Variants in RHOH observed in about 807,000 individuals in gnomAD.
RHOH encodes rho-related GTP-binding protein RhoH.
Under a neutral mutation model 13.8 loss-of-function variants are expected in RHOH, and 6 were observed. The observed-to-expected ratio is 0.44, with a 90% CI of 0.24 to 0.86. RHOH has a LOEUF of 0.86. Among genes scored for constraint, RHOH ranks in the 40% least tolerant of loss-of-function variants. The pLI, the probability that RHOH is intolerant of heterozygous loss-of-function variation, is 0.24. For synonymous variants in RHOH, 117 were observed against 103.0 expected (o/e 1.14, Z -0.82); for missense variants, 147 against 244.5 (o/e 0.60, Z 2.66).
At chr4:40,231,624 C>A (rs867960031) in intron 1 of RHOH, among the ~76,000 whole-genome samples, 12 of 152,208 alleles carry the variant, frequency 7.9e-5, no homozygotes, top group Admixed American at 3.3e-4. Flanking sequence ...AGGCCTACAG[C>A]CTCAGAATCA....
intron 1 of RHOH, among the ~76,000 whole-genome samples, chr4:40,221,415 A>G (rs751250732): frequency 6.6e-6 from 1 of 152,178 alleles, no homozygotes; most frequent in Non-Finnish European, 1.5e-5. Context: ...GAGCGAGTCT[A>G]TCGGCACCAT....
chr4:40,215,322 A>G (rs1725743772), intron 1 of RHOH, among the ~76,000 whole-genome samples: 1 of 152,200 alleles, frequency 6.6e-6, no homozygotes. Context: ...TTAAGATAAT[A>G]AAAGGTCTGT....
At chr4:40,210,276 G>T (rs573128606) in intron 1 of RHOH, among the ~76,000 whole-genome samples, 10 of 152,318 alleles carry the variant, frequency 6.6e-5, no homozygotes, top group East Asian at 1.9e-4. Flanking sequence ...GGGACTTAAA[G>T]CAACCAGGAT....
chr4:40,241,444 T>G (rs1046442635), intron 1 of RHOH, among the ~76,000 whole-genome samples: 1 of 152,216 alleles, frequency 6.6e-6, no homozygotes, highest in African/African-American at 2.4e-5. Flanking sequence ...AAACCAAGGT[T>G]CAGAGAGGTT....
intron 1 of RHOH, among the ~76,000 whole-genome samples, chr4:40,235,800 C>G (rs552457484): frequency 2.8e-4 from 42 of 151,538 alleles, no homozygotes; most frequent in African/African-American, 1.0e-3. Flanking sequence ...ATAGTGAGAC[C>G]TTTGTTTATA....
chr4:40,206,964 T>C (rs1724715786), intron 1 of RHOH, among the ~76,000 whole-genome samples: 1 of 152,116 alleles, frequency 6.6e-6, no homozygotes, highest in African/African-American at 2.4e-5. Flanking sequence ...ATCCCAGCAC[T>C]TTGGGAGGCT....
intron 1 of RHOH, among the ~76,000 whole-genome samples, chr4:40,221,119 T>C (rs1336237829): frequency 6.6e-6 from 1 of 152,218 alleles, no homozygotes; most frequent in Non-Finnish European, 1.5e-5. Flanking sequence ...CAATTTATTC[T>C]ATAGAGGGAC....
chr4:40,229,090 C>G (rs982536933), intron 1 of RHOH, among the ~76,000 whole-genome samples: 14 of 152,082 alleles, frequency 9.2e-5, no homozygotes, highest in African/African-American at 3.1e-4. Context: ...TACTGAGTTG[C>G]AGGTAGAGTC....
chr4:40,198,600 C>T (rs1358183612), intron 1 of RHOH, among the ~76,000 whole-genome samples: 5 of 152,190 alleles, frequency 3.3e-5, no homozygotes, highest in African/African-American at 1.2e-4. Flanking sequence ...TGGCTGTGGG[C>T]CTCCATTTGC....
intron 1 of RHOH, among the ~76,000 whole-genome samples, chr4:40,232,153 C>T (rs1016089217): frequency 6.6e-6 from 1 of 152,200 alleles, no homozygotes; most frequent in Non-Finnish European, 1.5e-5. Flanking sequence ...TTTAACTTGG[C>T]TTCAATGCCT....
chr4:40,244,222 A>C lies in RHOH; in HGVS notation c.*260A>C. ...ATTCCATCTTTGATTAAAAAAGTGA[A>C]ATAGTCTCCATAATTTTGGACGATG... On this transcript the variant is annotated 3_prime_UTR_variant, in exon 3 of 3. Transcript: ENST00000381799. 1 of 370,194 alleles carries C rather than the reference A, an allele frequency of 2.7e-6. No homozygotes were observed. The highest frequency in any genetic ancestry group is 5.0e-6 in the Non-Finnish European group (1 of 198,324). The allele number at this position is 370,194 out of a possible 1,614,324, so 22.9% of individuals were successfully genotyped here. A position where few individuals can be genotyped will look rare whatever the true frequency, so the allele number is the denominator to read the frequency against.
intron 1 of RHOH, among the ~76,000 whole-genome samples, chr4:40,237,269 A>G (rs1176742527): frequency 1.3e-5 from 2 of 152,186 alleles, no homozygotes; most frequent in Non-Finnish European, 2.9e-5. Flanking sequence ...CCTGGCCAAC[A>G]TGGCAAAACC....
At chr4:40,205,060 C>T (rs888637214) in intron 1 of RHOH, among the ~76,000 whole-genome samples, 2 of 152,056 alleles carry the variant, frequency 1.3e-5, no homozygotes, top group Non-Finnish European at 1.5e-5. Context: ...GTCAGGAGTT[C>T]GAAATCAGCC....
chr4:40,210,089 C>CGTGTGTGTGTGTGTGTGTGT (rs5857717), intron 1 of RHOH, among the ~76,000 whole-genome samples: 1 of 145,458 alleles, frequency 6.9e-6, no homozygotes, highest in Non-Finnish European at 1.5e-5. Flanking sequence ...ACATTGTGTG[C>CGTGTGTGTGTGTGTGTGTGT]GTGTGTGTGT....
rs560057953 is a variant in RHOH at position 40,246,494 on chromosome 4, T to G, written c.*2532T>G. The G allele has an allele frequency of 6.6e-6, 1 of 152,358 alleles. No homozygotes were observed. Among genetic ancestry groups the G allele is most frequent in the African/African-American group, 2.4e-5 (1 of 41,586 alleles). 9.4% of individuals were successfully genotyped at this position (152,358 alleles called of 1,614,324 possible). The stretch of plus-strand genomic sequence containing the variant: ...AGCTCCGTCTGGGAACTCTCATACC[T>G]GAGACCAGGAATCTATGTGTAAACC... On this transcript the variant is annotated 3_prime_UTR_variant, in exon 3 of 3. Transcript: ENST00000381799.
chr4:40,241,772 C>G (rs1012227008), intron 1 of RHOH, among the ~76,000 whole-genome samples: 1 of 152,108 alleles, frequency 6.6e-6, no homozygotes, highest in Non-Finnish European at 1.5e-5. Context: ...CACATGTAGT[C>G]CCAGCTACTC....
intron 1 of RHOH, among the ~76,000 whole-genome samples, chr4:40,238,354 A>T (rs1728838522): frequency 6.6e-6 from 1 of 152,186 alleles, no homozygotes; most frequent in African/African-American, 2.4e-5. Flanking sequence ...CGTCAGGTGG[A>T]GAATTGGTGT....
chr4:40,228,766 G>C (rs569699361), intron 1 of RHOH, among the ~76,000 whole-genome samples: 2 of 152,282 alleles, frequency 1.3e-5, no homozygotes, highest in East Asian at 3.9e-4. Context: ...CACCTTTTCA[G>C]ACAACAAGAA....
chr4:40,237,784 T>G (rs10033592), intron 1 of RHOH, among the ~76,000 whole-genome samples: 74,849 of 151,632 alleles, frequency 0.49, 21,196 homozygotes, highest in Non-Finnish European at 0.64. Flanking sequence ...GGCGATGGAC[T>G]CATATTTTTA....
Sources: allele counts gnomAD v4.1 joint callset (sites outside exome capture counted in the v4.1 genomes callset), GRCh38; gene constraint gnomAD v4.1.1; transcripts MANE v1.5; gene names NCBI Gene and HGNC (gene_info 2026-07-23, HGNC 2026-07-21).